CCPG1: variants seen among roughly 807,000 people sequenced by gnomAD.
CCPG1 encodes cell cycle progression protein 1.
A neutral mutation model predicts 81.3 loss-of-function variants in CCPG1; 46 were observed. The ratio of observed to expected loss-of-function variants is 0.57; its 90% CI spans 0.45 to 0.72. CCPG1 has a LOEUF of 0.72. Ranked by LOEUF, CCPG1 falls within the 30% of genes least tolerant of loss-of-function variation. The pLI is 0.00. For missense variants in CCPG1, 902 were observed against 937.6 expected, an observed-to-expected ratio of 0.96 and a Z score of 0.50; for synonymous variants, 330 against 305.2, an observed-to-expected ratio of 1.08 and a Z score of -0.85.
Position 55,389,506 on chromosome 15 carries a change from C to A in CCPG1, c.-9-73G>T. Reference sequence around the variant, plus strand: ...TCTATAGGAAGCACTATATGTGACACTAAGTTTGAAAAGTGGTTTACTGTC... The same window carrying A: ...TCTATAGGAAGCACTATATGTGACAATAAGTTTGAAAAGTGGTTTACTGTC... On this transcript the variant is annotated intron_variant, in intron 1 of 8. Transcript: ENST00000442196. 1.3e-5 allele frequency: 14 copies of A among 1,042,122 alleles called. No individual in the cohort carries two copies. The South Asian group carries it at 1.8e-4, about 14-fold the overall frequency. 64.6% of individuals were successfully genotyped at this position (1,042,122 alleles called of 1,614,324 possible).
intron 7 of CCPG1, among the ~76,000 whole-genome samples, chr15:55,364,728 C>G (rs1466788352): frequency 6.6e-6 from 1 of 150,438 alleles, no homozygotes; most frequent in Non-Finnish European, 1.5e-5. Flanking sequence ...AAAAAATTTG[C>G]CGGGCATAGA....
chr15:55,408,063 G>T (rs2057272872), intron 1 of CCPG1, 158 bp downstream of exon 1: 1 of 152,472 alleles, frequency 6.6e-6, no homozygotes, highest in Admixed American at 6.5e-5. Flanking sequence ...GGTCGCCCGT[G>T]CGGCCGCTGA....
In CCPG1 at chr15:55,408,306, T is replaced by C. The variant is rs796259294; in HGVS notation, c.-95A>G. 3 of 154,538 alleles carry C rather than the reference T, an allele frequency of 1.9e-5. No homozygotes were observed. Among genetic ancestry groups the C allele is most frequent in the African/African-American group, 4.8e-5 (2 of 41,646 alleles). 9.6% of individuals were successfully genotyped at this position (154,538 alleles called of 1,614,324 possible). On this transcript the variant is annotated 5_prime_UTR_variant, in exon 1 of 9. Coordinates refer to ENST00000442196, the MANE Select transcript of CCPG1 (RefSeq NM_001204450.2). The stretch of plus-strand genomic sequence containing the variant: ...GCTCGGGCGCCAATGACGCCTCTTA[T>C]AAAAACAACCTGCTCGCAGGCGTCT...
chr15:55,377,153 G>A lies in CCPG1; in HGVS notation c.253-3C>T, dbSNP rs2056583421. On this transcript the variant is annotated splice_polypyrimidine_tract_variant and splice_region_variant and intron_variant, in intron 4 of 8. Transcript: ENST00000442196. Reference sequence around the variant, plus strand: ...TCGGGTATCTTTTGTTCCTCTGCCTGAAGAATCATAATTTTAGAGATGGTA... The same window carrying A: ...TCGGGTATCTTTTGTTCCTCTGCCTAAAGAATCATAATTTTAGAGATGGTA... 1 of 1,603,284 alleles carries A rather than the reference G, an allele frequency of 6.2e-7. No individual in the cohort carries two copies. The highest frequency in any genetic ancestry group is 1.7e-5 in the Admixed American group (1 of 59,590).
At chr15:55,396,100 G>A (rs1294483686) in intron 1 of CCPG1, among the ~76,000 whole-genome samples, 1 of 148,288 alleles carries the variant, frequency 6.7e-6, no homozygotes, top group Non-Finnish European at 1.5e-5. Flanking sequence ...GTTGCAGTGA[G>A]CCAAGATCGC....
chr15:55,389,068 CAAAAAA>C (rs373917631), intron 2 of CCPG1, among the ~76,000 whole-genome samples: 2 of 56,268 alleles, frequency 3.6e-5, no homozygotes, highest in African/African-American at 1.4e-4. Context: ...GACTCTGTCT[CAAAAAA>C]AAAAAAAAAA....
chr15:55,385,144 C>T (rs906095038), intron 3 of CCPG1, among the ~76,000 whole-genome samples: 1 of 152,108 alleles, frequency 6.6e-6, no homozygotes, highest in African/African-American at 2.4e-5. Context: ...TGTGGGCCTT[C>T]ACCAAATCCA....
chr15:55,356,640 A>G, intron 8 of CCPG1: 1 of 1,223,378 alleles, frequency 8.2e-7, no homozygotes, highest in Non-Finnish European at 1.0e-6. Context: ...AAAGGGAAAC[A>G]CTCAAAAGAT....
At chr15:55,380,939 C>T (rs2056676847) in intron 3 of CCPG1, among the ~76,000 whole-genome samples, 2 of 151,920 alleles carry the variant, frequency 1.3e-5, no homozygotes, top group African/African-American at 4.8e-5. Flanking sequence ...AGATCAAGAC[C>T]ATCCTGGCTA....
intron 7 of CCPG1, among the ~76,000 whole-genome samples, chr15:55,361,172 AT>A (rs201423569): frequency 1.2e-3 from 180 of 144,500 alleles, no homozygotes; most frequent in Middle Eastern, 3.7e-3. Context: ...TGGTGTAAGA[AT>A]TTTTTTTTTT....
chr15:55,400,920 T>G (rs1486971225), intron 1 of CCPG1, among the ~76,000 whole-genome samples: 1 of 152,234 alleles, frequency 6.6e-6, no homozygotes, highest in African/African-American at 2.4e-5. Context: ...GCCTCAAACA[T>G]TTTTAAAGTA....
At chr15:55,395,473 T>C (rs995841045) in intron 1 of CCPG1, among the ~76,000 whole-genome samples, 1 of 152,150 alleles carries the variant, frequency 6.6e-6, no homozygotes, top group African/African-American at 2.4e-5. Flanking sequence ...GAATATCAAG[T>C]ATTTTATCTC....
intron 5 of CCPG1, chr15:55,374,164 C>T (rs1044535711): frequency 2.2e-5 from 28 of 1,288,562 alleles, no homozygotes; most frequent in East Asian, 5.5e-5. Context: ...CCTTGGAAAG[C>T]GAGTTGGCTA....
At position 55,355,723 on chromosome 15, in the gene CCPG1, C is replaced by G. The variant is rs1203892269; in HGVS notation, c.*497G>C. On this transcript the variant is annotated 3_prime_UTR_variant, in exon 9 of 9. Transcript: ENST00000442196. ...TCACAAGAAAACAAGTCAGCAAGCT[C>G]TTAAGAGGGCAGCAAATTCTTCACA... is the stretch of plus-strand genomic sequence containing the variant. 4 of 247,644 alleles carry G rather than the reference C, an allele frequency of 1.6e-5. No homozygotes were observed. Among genetic ancestry groups the G allele is most frequent in the Non-Finnish European group, 3.0e-5 (4 of 131,658 alleles). 15.3% of individuals were successfully genotyped at this position (247,644 alleles called of 1,614,324 possible). A position where few individuals can be genotyped will look rare whatever the true frequency, so the allele number is the denominator to read the frequency against.
intron 8 of CCPG1, chr15:55,356,926 A>G: frequency 1.0e-6 from 1 of 985,628 alleles, no homozygotes; most frequent in East Asian, 1.1e-4. Flanking sequence ...TTTCCAAGCC[A>G]AGAAAACATT....
intron 1 of CCPG1, among the ~76,000 whole-genome samples, chr15:55,403,865 A>C (rs536971791): frequency 6.6e-6 from 1 of 152,326 alleles, no homozygotes; most frequent in East Asian, 1.9e-4. Context: ...CCTTGGACTT[A>C]ACAGGCCTTG....
At chr15:55,387,903 G>T (rs2056834447) in intron 2 of CCPG1, among the ~76,000 whole-genome samples, 1 of 147,814 alleles carries the variant, frequency 6.8e-6, no homozygotes, top group Admixed American at 6.7e-5. Flanking sequence ...TGTAATCCCA[G>T]TACTTTGGGA....
chr15:55,361,509 C>G (rs2056195439), intron 7 of CCPG1, among the ~76,000 whole-genome samples: 1 of 151,372 alleles, frequency 6.6e-6, no homozygotes, highest in African/African-American at 2.4e-5. Flanking sequence ...AGATCAAGAC[C>G]ATCCTGGCCT....
intron 5 of CCPG1, among the ~76,000 whole-genome samples, chr15:55,375,371 T>G (rs7177888): frequency 0.19 from 28,356 of 152,120 alleles, 4,687 homozygotes; most frequent in African/African-American, 0.45. Context: ...GAATATTCTC[T>G]AATTAAACCA....
Sources: allele counts gnomAD v4.1 joint callset (sites outside exome capture counted in the v4.1 genomes callset), GRCh38; gene constraint gnomAD v4.1.1; transcripts MANE v1.5; gene names NCBI Gene and HGNC (gene_info 2026-07-23, HGNC 2026-07-21).